The following HAPLN4 variants were observed in gnomAD, a reference collection of about 807,000 sequenced individuals.
HAPLN4 encodes brain link protein 2.
Under a neutral mutation model 28.0 loss-of-function variants are expected in HAPLN4, and 19 were observed. That is an observed-to-expected ratio of 0.68 (90% CI 0.47 to 1.00). The LOEUF is 1.00. HAPLN4 is among the 50% of genes least tolerant of loss of function. The pLI, the probability that HAPLN4 is intolerant of heterozygous loss-of-function variation, is 0.00. For synonymous variants in HAPLN4, 274 were observed against 273.0 expected, an observed-to-expected ratio of 1.00 and a Z score of -0.03; for missense variants, 587 against 602.6, an observed-to-expected ratio of 0.97 and a Z score of 0.27.
chr19:19,262,606 G>A lies in HAPLN4; in HGVS notation c.3+124C>T. 4 of 1,147,120 alleles carry A rather than the reference G, an allele frequency of 3.5e-6. 1 individual carries two copies. In the Middle Eastern group the frequency reaches 7.7e-4, roughly 221 times the overall value. The allele number at this position is 1,147,120 out of a possible 1,614,324, so 71.1% of individuals were successfully genotyped here. On this transcript the variant is annotated intron_variant, in intron 1 of 4. Coordinates refer to ENST00000291481, the MANE Select transcript of HAPLN4 (RefSeq NM_023002.3). ...GCCAAAAAGAGAGATCAAAGAGGGT[G>A]AGAGACAGAGAAAAGGAAGAGACAG...
chr19:19,259,959 A>T (rs1477808685), intron 3 of HAPLN4, among the ~76,000 whole-genome samples: 2 of 152,220 alleles, frequency 1.3e-5, no homozygotes, highest in Non-Finnish European at 2.9e-5. Context: ...CCAGTGAGGG[A>T]CAACTCTGGG....
rs1418990717 is a variant in HAPLN4 at position 19,258,625 on chromosome 19, C to G, written c.715G>C (p.Ala239Pro). The G allele has an allele frequency of 7.4e-6, 12 of 1,612,814 alleles. No homozygotes were observed. Among genetic ancestry groups the G allele is most frequent in the Non-Finnish European group, 1.0e-5 (12 of 1,179,554 alleles). The change falls in exon 4 of 5, where the codon GCA becomes CCA. Residue 239 changes from alanine (A) to proline (P), a missense_variant. By Grantham distance (27) the Ala-to-Pro change is conservative. Transcript: ENST00000291481. The surrounding 1 kb of genome is among the most constrained non-coding windows in gnomAD (Gnocchi z 6.2). ...PCGGLGGTGS[A>P]GGGGDANGGL... ...CCGTTGGCATCACCGCCGCCCCCTG[C>G]ACTCCCGGTCCCCCCCAGGCCGCCG...
At position 19,258,809 on chromosome 19, in the gene HAPLN4, G is replaced by T; in HGVS notation, c.531C>A (p.Thr177=). The change falls in exon 4 of 5, where the codon ACC becomes ACA. Residue 177 remains threonine, a synonymous_variant. Transcript: ENST00000291481. This position sits in a 1 kb window ranked among gnomAD's most constrained non-coding sequence, Gnocchi z 6.2. ...YHPRGGRYKL[T]FAEAQRACAE... is the part of the protein sequence containing the mutation. ...CGCACGCGCGCTGCGCCTCCGCGAA[G>T]GTCAGCTTGTATCGGCCTCCACGGG... 6.3e-7 allele frequency: 1 copy of T among 1,591,134 alleles called. No homozygotes were observed. Among genetic ancestry groups the T allele is most frequent in the Non-Finnish European group, 8.6e-7 (1 of 1,169,116 alleles).
In HAPLN4 at chr19:19,262,663, A is replaced by G. The variant is rs965203918; in HGVS notation, c.3+67T>C. On this transcript the variant is annotated intron_variant, in intron 1 of 4. Coordinates refer to ENST00000291481, the MANE Select transcript of HAPLN4 (RefSeq NM_023002.3). ...CTCAGAGGGATATAGATTCAGAGGC[A>G]GAGAGATATAGAATCCAAGATTGGG... 3 of 1,549,302 alleles carry G rather than the reference A, an allele frequency of 1.9e-6. No homozygotes were observed. In the African/African-American group the frequency reaches 4.1e-5, roughly 21 times the overall value.
chr19:19,260,740 G>A, intron 3 of HAPLN4, 73 bp downstream of exon 3: 2 of 1,542,268 alleles, frequency 1.3e-6, no homozygotes, highest in Non-Finnish European at 1.8e-6. Flanking sequence ...ACTTGATTTG[G>A]TTTATGTCCC....
In HAPLN4 at chr19:19,258,831, C is replaced by G. The variant is rs757926614; in HGVS notation, c.509G>C (p.Arg170Pro). The G allele has an allele frequency of 1.3e-6, 2 of 1,572,448 alleles. No homozygotes were observed. The highest frequency in any genetic ancestry group is 1.4e-5 in the African/African-American group (1 of 73,950). The stretch of plus-strand genomic sequence containing the variant: ...GAAGGTCAGCTTGTATCGGCCTCCA[C>G]GGGGGTGGTAGGGAAAGACCACGCC... ...LEGVVFPYHP[R>P]GGRYKLTFAE... The change falls in exon 4 of 5, where the codon CGT (arginine) becomes CCT (proline). Residue 170 changes from arginine to proline, a missense_variant. By Grantham distance (103) the Arg-to-Pro change is moderately radical. Coordinates refer to ENST00000291481, the MANE Select transcript of HAPLN4 (RefSeq NM_023002.3). This position sits in a 1 kb window ranked among gnomAD's most constrained non-coding sequence, Gnocchi z 6.2.
chr19:19,259,993 A>C (rs746110482), intron 3 of HAPLN4, among the ~76,000 whole-genome samples: 6 of 152,148 alleles, frequency 3.9e-5, no homozygotes, highest in Non-Finnish European at 8.8e-5. Flanking sequence ...CTCCTAGGAA[A>C]TCAGTTGCTA....
At position 19,258,788 on chromosome 19, in the gene HAPLN4, C is replaced by A. The variant is rs556756907; in HGVS notation, c.552G>T (p.Ala184=). 8.9e-5 allele frequency: 142 copies of A among 1,598,240 alleles called. 2 individuals are homozygous for A. The South Asian group carries it at 1.5e-3, about 17-fold the overall frequency. The change falls in exon 4 of 5, where the codon GCG becomes GCT. Residue 184 remains alanine (A), a synonymous_variant. Coordinates refer to ENST00000291481, the MANE Select transcript of HAPLN4 (RefSeq NM_023002.3). This position sits in a 1 kb window ranked among gnomAD's most constrained non-coding sequence, Gnocchi z 6.2. ...CCAGGATGCCGTCCTGCTCGGCGCA[C>A]GCGCGCTGCGCCTCCGCGAAGGTCA... ...YKLTFAEAQR[A]CAEQDGILAS... is the part of the protein sequence containing the mutation.
intron 2 of HAPLN4, 37 bp from the exon 3 acceptor site, chr19:19,261,212 A>G: frequency 6.5e-7 from 1 of 1,547,824 alleles, no homozygotes; most frequent in South Asian, 1.2e-5. Context: ...GGAGGGGCCT[A>G]GGGGCAGAAG....
In HAPLN4 at chr19:19,258,525, G is replaced by C; in HGVS notation, c.815C>G (p.Pro272Arg). 1 of 1,613,036 alleles carries C rather than the reference G, an allele frequency of 6.2e-7. No individual in the cohort carries two copies. The highest frequency in any genetic ancestry group is 8.5e-7 in the Non-Finnish European group (1 of 1,179,710). The change falls in exon 4 of 5, where the codon CCG (proline) becomes CGG (arginine). Residue 272 changes from proline (P) to arginine (R), a missense_variant and splice_region_variant. Coordinates refer to ENST00000291481, the MANE Select transcript of HAPLN4 (RefSeq NM_023002.3). This position sits in a 1 kb window ranked among gnomAD's most constrained non-coding sequence, Gnocchi z 6.2. ...YDAFCFTSNL[P>R]GRVFFLKPLR... ...GTCTTGGGGTGAGGCCTACGCACCC[G>C]GCAGGTTGGACGTGAAGCAGAAGGC...
At chr19:19,261,221 AG>A (rs1173736446) in intron 2 of HAPLN4, 46 bp from the exon 3 acceptor site, 2 of 1,504,014 alleles carry the variant, frequency 1.3e-6, no homozygotes, top group Non-Finnish European at 8.9e-7. Context: ...TAGGGGCAGA[AG>A]GGGGCCTCTG....
At chr19:19,261,884 A>G (rs950893347) in intron 1 of HAPLN4, among the ~76,000 whole-genome samples, 4 of 151,680 alleles carry the variant, frequency 2.6e-5, no homozygotes, top group African/African-American at 4.8e-5. Flanking sequence ...GGGGTGGGGA[A>G]GAGCTGGAGG....
At position 19,257,522 on chromosome 19, in the gene HAPLN4, G is replaced by A. The variant is rs2060969167; in HGVS notation, c.*295C>T. The A allele has an allele frequency of 6.1e-6, 2 of 328,272 alleles. No homozygotes were observed. Among genetic ancestry groups the A allele is most frequent in the Admixed American group, 9.8e-5 (2 of 20,352 alleles). 20.3% of individuals were successfully genotyped at this position (328,272 alleles called of 1,614,324 possible). A position where few individuals can be genotyped will look rare whatever the true frequency, so the allele number is the denominator to read the frequency against. Reference sequence around the variant, plus strand: ...GCGTGGCCAGTCTTCAGGAGCCTGCGGGTTCTGCTGGCCTCCTGAGGTCCT... The same window carrying A: ...GCGTGGCCAGTCTTCAGGAGCCTGCAGGTTCTGCTGGCCTCCTGAGGTCCT... On this transcript the variant is annotated 3_prime_UTR_variant, in exon 5 of 5. Coordinates refer to ENST00000291481, the MANE Select transcript of HAPLN4 (RefSeq NM_023002.3).
Position 19,258,565 on chromosome 19 carries a change from C to G in HAPLN4, c.775G>C (p.Glu259Gln), listed in dbSNP as rs751565044. The G allele has an allele frequency of 6.2e-7, 1 of 1,613,736 alleles. No homozygotes were observed. The highest frequency in any genetic ancestry group is 8.5e-7 in the Non-Finnish European group (1 of 1,179,880). ...AAGCAGAAGGCGTCGTAGCGTTCCTCGGCGTTATGGCGATACCCGTAGTTG... is the reference window on the plus strand; with the variant it reads ...AAGCAGAAGGCGTCGTAGCGTTCCTGGGCGTTATGGCGATACCCGTAGTTG... The part of the protein sequence containing the change: ...LRNYGYRHNA[E>Q]ERYDAFCFTS... The change falls in exon 4 of 5, where the codon GAG (glutamate) becomes CAG (glutamine). Residue 259 changes from glutamate to glutamine, a missense_variant. Coordinates refer to ENST00000291481, the MANE Select transcript of HAPLN4 (RefSeq NM_023002.3). This position sits in a 1 kb window ranked among gnomAD's most constrained non-coding sequence, Gnocchi z 6.2.
At chr19:19,261,589 G>A in intron 1 of HAPLN4, 26 bp from the exon 2 acceptor site, 1 of 1,406,702 alleles carries the variant, frequency 7.1e-7, no homozygotes, top group Non-Finnish European at 9.3e-7. Context: ...GGGGCGCTCA[G>A]TCCAGCCTCC....
Position 19,255,698 on chromosome 19 carries a change from C to T in HAPLN4, c.*2119G>A, listed in dbSNP as rs1272434027. 1 of 152,236 alleles carries T rather than the reference C, an allele frequency of 6.6e-6. No homozygotes were observed. Among genetic ancestry groups the T allele is most frequent in the African/African-American group, 2.4e-5 (1 of 41,450 alleles). The allele number at this position is 152,236 out of a possible 1,614,324, so 9.4% of individuals were successfully genotyped here. ...TTGAGCCCCTACTGTATGCTTGGCA[C>T]TCACGGGGACCACAGAACAGCCCTG... On this transcript the variant is annotated 3_prime_UTR_variant, in exon 5 of 5. Transcript: ENST00000291481.
rs764454189 is a variant in HAPLN4, at chr19:19,261,195, G to A, written c.122-20C>T. On this transcript the variant is annotated intron_variant, in intron 2 of 4. Coordinates refer to ENST00000291481, the MANE Select transcript of HAPLN4 (RefSeq NM_023002.3). Reference sequence around the variant, plus strand: ...CACCCTCTGAGGACAACCAAGCAGGGTTCAGAGGAGGGGCCTAGGGGCAGA... The same window carrying A: ...CACCCTCTGAGGACAACCAAGCAGGATTCAGAGGAGGGGCCTAGGGGCAGA... 3.2e-6 allele frequency: 5 copies of A among 1,579,158 alleles called. No homozygotes were observed. The highest frequency in any genetic ancestry group is 4.3e-6 in the Non-Finnish European group (5 of 1,160,688).
In HAPLN4 at chr19:19,257,880, C is replaced by T. The variant is rs1355962575; in HGVS notation, c.1146G>A (p.Ala382=). The stretch of plus-strand genomic sequence containing the variant: ...CGCCCCCTGCCCAGCCGCCGCCGCC[C>T]GCCCAGCCCCAGCCCCAGCCGCCAG... ...PAPGGWGWGW[A]GGGGWAGGAR... Residue 382 remains alanine (A), a synonymous_variant, in exon 5 of 5, where the codon GCG becomes GCA. Coordinates refer to ENST00000291481, the MANE Select transcript of HAPLN4 (RefSeq NM_023002.3). 6.9e-7 allele frequency: 1 copy of T among 1,451,238 alleles called. No homozygotes were observed. Among genetic ancestry groups the T allele is most frequent in the Non-Finnish European group, 9.0e-7 (1 of 1,111,640 alleles). 89.9% of individuals were successfully genotyped at this position (1,451,238 alleles called of 1,614,324 possible). A position where few individuals can be genotyped will look rare whatever the true frequency, so the allele number is the denominator to read the frequency against.
intron 3 of HAPLN4, among the ~76,000 whole-genome samples, chr19:19,260,530 G>C (rs890498797): frequency 1.3e-5 from 2 of 152,122 alleles, no homozygotes; most frequent in African/African-American, 4.8e-5. Flanking sequence ...ATCACTCCTT[G>C]TGGGGGACTA....
Sources: allele counts gnomAD v4.1 joint callset (sites outside exome capture counted in the v4.1 genomes callset), GRCh38; gene constraint gnomAD v4.1.1; non-coding constraint Gnocchi (gnomAD v3.1); transcripts MANE v1.5; gene names NCBI Gene and HGNC (gene_info 2026-07-23, HGNC 2026-07-21).